MLIP: variants seen among roughly 807,000 people sequenced by gnomAD.
MLIP encodes the protein muscular LMNA-interacting protein.
In MLIP, 79 loss-of-function variants were observed where a neutral mutation model predicts 84.8. The ratio of observed to expected loss-of-function variants is 0.93; its 90% CI spans 0.78 to 1.12. MLIP has a LOEUF of 1.12. MLIP is among the 50% of genes most tolerant of loss of function. The pLI is 0.00. For missense variants in MLIP, 1,257 were observed against 1,160.6 expected (o/e 1.08, Z -1.21); for synonymous variants, 504 against 463.0 (o/e 1.09, Z -1.14).
In MLIP at chr6:54,235,031, T is replaced by C. The variant is rs1254278325; in HGVS notation, c.2922+4114T>C. Reference sequence around the variant, plus strand: ...ATGTCATGTTGTCACCTCAAACTCATCATTCATTTTGTCTCAAACTAGTTC... The same window carrying C: ...ATGTCATGTTGTCACCTCAAACTCACCATTCATTTTGTCTCAAACTAGTTC... On this transcript the variant is annotated intron_variant, in intron 12 of 13. Transcript: ENST00000502396. 7.2e-5 allele frequency among the ~76,000 whole-genome samples: 11 copies of C among 152,284 alleles called. No individual in the cohort carries two copies. In the East Asian group the frequency reaches 1.9e-3, roughly 27 times the overall value.
At chr6:54,171,808 A>G (rs1775798330) in intron 9 of MLIP, among the ~76,000 whole-genome samples, 4 of 151,480 alleles carry the variant, frequency 2.6e-5, no homozygotes, top group Non-Finnish European at 3.0e-5. Flanking sequence ...CTATGATTTA[A>G]TTAATTAATT....
chr6:54,137,415 T>G lies in MLIP; in HGVS notation c.1346T>G (p.Leu449Arg). Residue 449 changes from leucine to arginine, a missense_variant, in exon 4 of 14, where the codon CTC becomes CGC. Leu to Arg is a moderately radical substitution (Grantham distance 102). Transcript: ENST00000502396. ...CTCAACTCCCCGGCCTCTTCCACGC[T>G]CACACTTGACCAAAAAGAAAAGCAG... is the stretch of plus-strand genomic sequence containing the variant. ...FSLNSPASST[L>R]TLDQKEKQTP... is the part of the protein sequence containing the mutation. The G allele has an allele frequency of 6.5e-7, 1 of 1,535,904 alleles. No homozygotes were observed. The highest frequency in any genetic ancestry group is 8.7e-7 in the Non-Finnish European group (1 of 1,146,838).
intron 11 of MLIP, among the ~76,000 whole-genome samples, chr6:54,230,398 G>A (rs1780902460): frequency 6.6e-6 from 1 of 152,060 alleles, no homozygotes; most frequent in Non-Finnish European, 1.5e-5. Flanking sequence ...CACTTCTTTT[G>A]GATGGATTAT....
At chr6:54,182,729 C>T (rs1043931853) in intron 9 of MLIP, among the ~76,000 whole-genome samples, 1 of 152,042 alleles carries the variant, frequency 6.6e-6, no homozygotes, top group Non-Finnish European at 1.5e-5. Flanking sequence ...TTACTAACTA[C>T]CAGTATAAAT....
chr6:54,114,034 T>G (rs1047340937), intron 1 of MLIP, among the ~76,000 whole-genome samples: 2 of 152,170 alleles, frequency 1.3e-5, no homozygotes, highest in Non-Finnish European at 2.9e-5. Flanking sequence ...CAGTGTAGAC[T>G]GTGAGAAATT....
chr6:54,051,610 G>A (rs1765377507), intron 1 of MLIP, among the ~76,000 whole-genome samples: 1 of 151,910 alleles, frequency 6.6e-6, no homozygotes, highest in Non-Finnish European at 1.5e-5. Flanking sequence ...ACAATTTTAG[G>A]GGACTATGAC....
At chr6:54,143,336 G>A (rs1330780903) in intron 4 of MLIP, among the ~76,000 whole-genome samples, 1 of 151,420 alleles carries the variant, frequency 6.6e-6, no homozygotes, top group Non-Finnish European at 1.5e-5. Flanking sequence ...TCCTGCCTCA[G>A]CTGGGATTAC....
In MLIP at chr6:54,077,672, C is replaced by G. The variant is rs114929373; in HGVS notation, c.64-43775C>G. On this transcript the variant is annotated intron_variant, in intron 1 of 12. Coordinates refer to the MLIP transcript ENST00000274897. ...GTATCTTATTAACATAAAAAAGAGG[C>G]AGATGCCATGTGTCAGTGTGTACTG... 2.1e-3 allele frequency among the ~76,000 whole-genome samples: 313 copies of G among 152,292 alleles called. 1 individual carries two copies. The highest frequency in any genetic ancestry group is 2.7e-3 in the Non-Finnish European group (184 of 68,022).
chr6:54,226,382 A>T (rs1232361812), intron 11 of MLIP, among the ~76,000 whole-genome samples: 1 of 152,190 alleles, frequency 6.6e-6, no homozygotes, highest in African/African-American at 2.4e-5. Context: ...CCTTCTAGCC[A>T]GGAGATTGAA....
intron 9 of MLIP, among the ~76,000 whole-genome samples, chr6:54,181,116 C>T (rs113059265): frequency 1.2e-4 from 18 of 152,236 alleles, no homozygotes; most frequent in Admixed American, 9.8e-4. Context: ...CCAGGCCCTC[C>T]GCGGTTCCAC....
At chr6:54,205,493 T>A (rs769035324) in intron 11 of MLIP, among the ~76,000 whole-genome samples, 17 of 152,240 alleles carry the variant, frequency 1.1e-4, no homozygotes, top group Non-Finnish European at 2.5e-4. Context: ...CCTAGCAGCT[T>A]CACTGCCATT....
At chr6:54,072,912 TTTC>T (rs1342857625) in intron 1 of MLIP, among the ~76,000 whole-genome samples, 1 of 152,224 alleles carries the variant, frequency 6.6e-6, no homozygotes. Context: ...GCATTCCTTT[TTTC>T]TTCTTCTGCC....
At chr6:54,209,046 G>A (rs908983474) in intron 11 of MLIP, among the ~76,000 whole-genome samples, 2 of 152,112 alleles carry the variant, frequency 1.3e-5, no homozygotes, top group Non-Finnish European at 2.9e-5. Context: ...AAAATTGGGG[G>A]TATTCTTTGA....
At chr6:54,169,774 T>G (rs1056560005) in intron 9 of MLIP, among the ~76,000 whole-genome samples, 6 of 151,726 alleles carry the variant, frequency 4.0e-5, no homozygotes, top group Admixed American at 1.3e-4. Flanking sequence ...AAATTTGTCC[T>G]TAAGTGAGGT....
At chr6:54,200,358 A>G (rs547354334) in intron 10 of MLIP, among the ~76,000 whole-genome samples, 11 of 145,534 alleles carry the variant, frequency 7.6e-5, no homozygotes, top group Admixed American at 7.1e-4. Context: ...CTTAGCCCCT[A>G]AAGTACCATG....
In MLIP at chr6:54,212,819, A is replaced by C. The variant is rs9370272; in HGVS notation, c.2718+10586A>C. Among the ~76,000 whole-genome samples the C allele has an allele frequency of 2.8e-3, 433 of 152,372 alleles. 6 individuals carry two copies. The highest frequency in any genetic ancestry group is 0.021 in the South Asian group (100 of 4,834). On this transcript the variant is annotated intron_variant, in intron 11 of 13. Coordinates refer to ENST00000502396, the MANE Select transcript of MLIP (RefSeq NM_001281747.2). ...GTCTGTGTATGCAAAAGATGATTAA[A>C]TACACACACATACATATTTAGTGGT...
At chr6:54,228,452 G>A (rs1350579814) in intron 11 of MLIP, among the ~76,000 whole-genome samples, 1 of 152,078 alleles carries the variant, frequency 6.6e-6, no homozygotes, top group Non-Finnish European at 1.5e-5. Flanking sequence ...TCTTTTGCTC[G>A]TCCAAGTGCT....
At chr6:54,156,279 C>T (rs1464028478) in intron 5 of MLIP, among the ~76,000 whole-genome samples, 1 of 152,010 alleles carries the variant, frequency 6.6e-6, no homozygotes, top group East Asian at 1.9e-4. Context: ...AAAATAAGCC[C>T]CCCATCCAAT....
chr6:54,112,040 GA>G (rs753255485), intron 1 of MLIP, among the ~76,000 whole-genome samples: 14 of 152,242 alleles, frequency 9.2e-5, no homozygotes, highest in Admixed American at 7.2e-4. Flanking sequence ...AGTGTATTTA[GA>G]AAAAGATTTT....
Sources: allele counts gnomAD v4.1 joint callset (sites outside exome capture counted in the v4.1 genomes callset), GRCh38; gene constraint gnomAD v4.1.1; transcripts MANE v1.5; gene names NCBI Gene and HGNC (gene_info 2026-07-23, HGNC 2026-07-21).